The following TRPC5 variants were observed in gnomAD, a reference collection of about 807,000 sequenced individuals.
TRPC5 encodes the protein transient receptor potential cation channel subfamily C member 5.
A neutral mutation model predicts 56.5 loss-of-function variants in TRPC5; 9 were observed. That is an observed-to-expected ratio of 0.16 (90% CI 0.10 to 0.28). TRPC5 has a LOEUF of 0.28. Among genes scored for constraint, TRPC5 ranks in the 10% least tolerant of loss-of-function variants. The probability of loss-of-function intolerance (pLI) is 1.00; values close to 1 mark genes in which losing one functional copy is unlikely to be tolerated. For synonymous variants in TRPC5, 282 were observed against 278.5 expected, an observed-to-expected ratio of 1.01 and a Z score of -0.13; for missense variants, 469 against 748.9, an observed-to-expected ratio of 0.63 and a Z score of 4.36.
chrX:112,072,759 T>C (rs191051722), intron 1 of TRPC5, among the ~76,000 whole-genome samples: 2 of 111,654 alleles, frequency 1.8e-5, no homozygotes, highest in African/African-American at 6.5e-5. Flanking sequence ...TTGAACATTT[T>C]TCCTCTCTTA....
chrX:111,958,873 A>T (rs1245677706), intron 1 of TRPC5, among the ~76,000 whole-genome samples: 2 of 112,528 alleles, frequency 1.8e-5, no homozygotes, highest in African/African-American at 6.5e-5. Context: ...TTCTCTTCAG[A>T]AACCACACAC....
At chrX:111,834,607 C>G (rs181891442) in intron 7 of TRPC5, among the ~76,000 whole-genome samples, 1 of 111,356 alleles carries the variant, frequency 9.0e-6, no homozygotes, top group Admixed American at 9.6e-5. Flanking sequence ...TGAGGTGACA[C>G]GTTGTAGCCA....
chrX:111,918,598 A>G (rs774280436), intron 2 of TRPC5, among the ~76,000 whole-genome samples: 1 of 110,871 alleles, frequency 9.0e-6, no homozygotes, highest in South Asian at 3.9e-4. Flanking sequence ...TGGTTTTGCC[A>G]GACGTGAGAA....
chrX:111,907,204 G>C (rs1254865141), intron 3 of TRPC5, among the ~76,000 whole-genome samples: 2 of 110,390 alleles, frequency 1.8e-5, no homozygotes, highest in Non-Finnish European at 3.8e-5. Flanking sequence ...CTAGATCCTG[G>C]GGTGTGACCC....
intron 1 of TRPC5, among the ~76,000 whole-genome samples, chrX:111,967,729 T>C (rs1254395977): frequency 3.6e-5 from 4 of 111,629 alleles, no homozygotes; most frequent in African/African-American, 1.3e-4. Context: ...GGGAAAGGAT[T>C]CCCTATTTAA....
intron 1 of TRPC5, among the ~76,000 whole-genome samples, chrX:111,988,852 C>T (rs770278072): frequency 3.1e-4 from 34 of 110,989 alleles, no homozygotes; most frequent in Non-Finnish European, 4.3e-4. Flanking sequence ...GCACAGATTC[C>T]GGCATAGAGC....
chrX:111,810,629 A>T (rs1219341049), intron 7 of TRPC5, among the ~76,000 whole-genome samples: 1 of 112,115 alleles, frequency 8.9e-6, no homozygotes, highest in Non-Finnish European at 1.9e-5. Context: ...ATTTACTTTT[A>T]TAAAAATGGA....
At chrX:111,997,657 T>G (rs1928579078) in intron 1 of TRPC5, among the ~76,000 whole-genome samples, 1 of 110,780 alleles carries the variant, frequency 9.0e-6, no homozygotes, top group South Asian at 3.8e-4. Context: ...CTTTTCACGT[T>G]GTCCCATATT....
chrX:111,815,636 G>A (rs763935552), intron 7 of TRPC5, among the ~76,000 whole-genome samples: 26 of 110,565 alleles, frequency 2.4e-4, no homozygotes, highest in African/African-American at 8.6e-4. Flanking sequence ...CAGGCGAATT[G>A]CTTTAACTCA....
intron 2 of TRPC5, among the ~76,000 whole-genome samples, chrX:111,915,007 G>A (rs1053600711): frequency 1.8e-5 from 2 of 110,741 alleles, no homozygotes; most frequent in African/African-American, 3.3e-5. Flanking sequence ...CCCTGGGTTC[G>A]ATTATGGGTA....
chrX:111,904,794 A>C (rs938649905), intron 3 of TRPC5, among the ~76,000 whole-genome samples: 3 of 111,948 alleles, frequency 2.7e-5, no homozygotes, highest in Non-Finnish European at 5.6e-5. Context: ...GAACTTAAAA[A>C]GAAAATTCAC....
At chrX:112,016,360 A>AGTGTGTGTGTGT (rs113555140) in intron 1 of TRPC5, among the ~76,000 whole-genome samples, 7 of 102,854 alleles carry the variant, frequency 6.8e-5, no homozygotes, top group African/African-American at 2.6e-4. Context: ...GGAAGGTTGG[A>AGTGTGTGTGTGT]GTGTGTGTGT....
At chrX:111,833,903 T>G (rs1922488165) in intron 7 of TRPC5, among the ~76,000 whole-genome samples, 1 of 111,660 alleles carries the variant, frequency 9.0e-6, no homozygotes, top group Non-Finnish European at 1.9e-5. Context: ...GTGGGTTTAT[T>G]TATTTTGTAC....
intron 1 of TRPC5, among the ~76,000 whole-genome samples, chrX:111,996,194 C>T (rs1399986631): frequency 1.8e-5 from 2 of 112,066 alleles, no homozygotes; most frequent in African/African-American, 6.5e-5. Flanking sequence ...TCTTTGTTCT[C>T]ATTGGTTTCA....
At chrX:112,035,586 A>G (rs189834552) in intron 1 of TRPC5, among the ~76,000 whole-genome samples, 12 of 110,497 alleles carry the variant, frequency 1.1e-4, no homozygotes, top group African/African-American at 4.0e-4. Context: ...TGGGTGAAGA[A>G]TATATCTTTG....
chrX:111,884,123 C>T (rs1476790887), intron 3 of TRPC5, among the ~76,000 whole-genome samples: 1 of 112,437 alleles, frequency 8.9e-6, no homozygotes, highest in Non-Finnish European at 1.9e-5. Flanking sequence ...TAAGGTATAG[C>T]CAGGGCTTAC....
At chrX:111,906,137 C>G (rs1042750228) in intron 3 of TRPC5, among the ~76,000 whole-genome samples, 2 of 109,702 alleles carry the variant, frequency 1.8e-5, no homozygotes, top group African/African-American at 6.6e-5. Flanking sequence ...GGCGGATTGC[C>G]TAAGCTCTGG....
At chrX:111,807,547 T>G (rs1308048454) in intron 7 of TRPC5, among the ~76,000 whole-genome samples, 1 of 112,803 alleles carries the variant, frequency 8.9e-6, no homozygotes, top group Non-Finnish European at 1.9e-5. Flanking sequence ...CACATATCTC[T>G]GTATCCCTGG....
intron 3 of TRPC5, chrX:111,902,773 T>G (rs1925415683): frequency 9.0e-6 from 1 of 111,126 alleles, no homozygotes; most frequent in African/African-American, 3.3e-5. Flanking sequence ...TGAAGAAAGG[T>G]TTTCAAATGA....
Sources: gnomAD v4.1 joint callset for allele counts (sites outside exome capture counted in the v4.1 genomes callset) on GRCh38, gnomAD v4.1.1 for gene constraint, MANE v1.5 for transcripts, NCBI Gene and HGNC (gene_info 2026-07-23, HGNC 2026-07-21) for gene names.